AFF2: variants seen among roughly 807,000 people sequenced by gnomAD.
AFF2 encodes the protein AF4/FMR2 family member 2.
A neutral mutation model predicts 76.9 loss-of-function variants in AFF2; 14 were observed. The ratio of observed to expected loss-of-function variants is 0.18; its 90% CI spans 0.12 to 0.28. The LOEUF (loss-of-function observed/expected upper bound fraction) is 0.28, where lower values mean the gene tolerates loss of function less well. Ranked by LOEUF, AFF2 falls within the 10% of genes least tolerant of loss-of-function variation. AFF2 has a pLI of 1.00. For missense variants in AFF2, 868 were observed against 1,001.1 expected (o/e 0.87, Z 1.79); for synonymous variants, 398 against 366.7 (o/e 1.09, Z -0.98).
intron 1 of AFF2, among the ~76,000 whole-genome samples, chrX:148,521,408 ACACT>A (rs782282296): frequency 1.3e-3 from 76 of 57,992 alleles, no homozygotes; most frequent in African/African-American, 4.4e-3. Flanking sequence ...ACACACACAC[ACACT>A]CACTGAGACT....
chrX:148,829,133 G>C (rs928547167), intron 4 of AFF2, among the ~76,000 whole-genome samples: 65 of 112,137 alleles, frequency 5.8e-4, no homozygotes, highest in African/African-American at 2.0e-3. Flanking sequence ...ACATCGCCAG[G>C]GTTTTTATAC....
chrX:148,942,687 A>G (rs1557285698), intron 9 of AFF2, among the ~76,000 whole-genome samples: 2 of 110,252 alleles, frequency 1.8e-5, no homozygotes, highest in African/African-American at 3.3e-5. Flanking sequence ...ATGGTGGCAC[A>G]CACTTGTGGT....
At chrX:148,885,790 G>T (rs2071151209) in intron 7 of AFF2, 99 bp from the exon 8 acceptor site, 1 of 723,821 alleles carries the variant, frequency 1.4e-6, no homozygotes, top group East Asian at 3.2e-5. Context: ...GCAGCTGTCA[G>T]ATTGTAGCTC....
chrX:148,911,914 C>G (rs1475266615), intron 9 of AFF2, among the ~76,000 whole-genome samples: 1 of 111,988 alleles, frequency 8.9e-6, no homozygotes, highest in Non-Finnish European at 1.9e-5. Flanking sequence ...ATAAATCATT[C>G]TACCGTAGAG....
intron 4 of AFF2, among the ~76,000 whole-genome samples, chrX:148,832,789 T>C (rs1452256848): frequency 9.0e-6 from 1 of 111,703 alleles, no homozygotes; most frequent in Non-Finnish European, 1.9e-5. Flanking sequence ...AGGCCCAGAA[T>C]GGACAAGCAA....
Position 148,955,663 on chromosome X carries a change from C to T in AFF2, c.1618C>T (p.Gln540Ter), listed in dbSNP as rs2072024577. Residue 540 changes from glutamine to a stop codon, truncating the protein, a stop_gained, in exon 11 of 21, where the codon CAG becomes TAG. Coordinates refer to ENST00000370460, the MANE Select transcript of AFF2 (RefSeq NM_002025.4). LOFTEE classifies it high-confidence loss of function. The stretch of plus-strand genomic sequence containing the variant: ...TAAATGGCTTAACAAAGTGACATCC[C>T]AGAACAAGTCTTTTATTTGTGGCCA... ...LDKWLNKVTS[Q>*]NKSFICGQNE... is the part of the protein sequence containing the mutation. 8.3e-7 allele frequency: 1 copy of T among 1,209,628 alleles called. No individual in the cohort carries two copies. Among genetic ancestry groups the T allele is most frequent in the African/African-American group, 1.7e-5 (1 of 57,144 alleles).
chrX:148,610,821 G>A (rs782441958), intron 1 of AFF2, among the ~76,000 whole-genome samples: 183 of 111,357 alleles, frequency 1.6e-3, no homozygotes, highest in Middle Eastern at 9.2e-3. Context: ...AGACTGCTGT[G>A]TAATAGTTGA....
chrX:148,573,317 G>C (rs1557242805), intron 1 of AFF2, among the ~76,000 whole-genome samples: 1 of 111,038 alleles, frequency 9.0e-6, no homozygotes, highest in Admixed American at 9.6e-5. Flanking sequence ...TCCACTAGAG[G>C]GGGAGCAAGG....
intron 1 of AFF2, among the ~76,000 whole-genome samples, chrX:148,614,786 CTTTCTTCCTT>C (rs1185594560): frequency 0.014 from 996 of 69,249 alleles, 9 homozygotes; most frequent in Non-Finnish European, 0.018. Context: ...TTCTTTCTTT[CTTTCTTCCTT>C]TCTCTCTCTC....
At chrX:148,567,900 G>A (rs1557241910) in intron 1 of AFF2, among the ~76,000 whole-genome samples, 2 of 111,713 alleles carry the variant, frequency 1.8e-5, no homozygotes, top group African/African-American at 3.3e-5. Flanking sequence ...GTGATCAGGA[G>A]GAGCGAGGTG....
intron 1 of AFF2, among the ~76,000 whole-genome samples, chrX:148,506,649 A>C (rs1477469654): frequency 9.0e-6 from 1 of 111,309 alleles, no homozygotes; most frequent in Non-Finnish European, 1.9e-5. Flanking sequence ...CTGAATGCTC[A>C]AATTTTGAAG....
chrX:148,903,861 G>A lies in AFF2; in HGVS notation c.1360-360G>A, dbSNP rs146595192. ...TCTGCATCTGTTTCCCTAACCTGTC[G>A]TTACAACCCAAGCAGGTCCAAACAC... On this transcript the variant is annotated intron_variant, in intron 8 of 20. Transcript: ENST00000370460. 1.2e-3 allele frequency among the ~76,000 whole-genome samples: 134 copies of A among 111,141 alleles called. 1 individual carries two copies. Among genetic ancestry groups the A allele is most frequent in the African/African-American group, 3.9e-3 (119 of 30,631 alleles).
At chrX:148,774,018 G>A (rs2069636876) in intron 3 of AFF2, among the ~76,000 whole-genome samples, 1 of 111,345 alleles carries the variant, frequency 9.0e-6, no homozygotes, top group Admixed American at 9.5e-5. Context: ...TCCTCTGAAT[G>A]AAGAATTAGG....
chrX:148,644,319 G>A (rs2054121113), intron 1 of AFF2, among the ~76,000 whole-genome samples: 1 of 111,479 alleles, frequency 9.0e-6, no homozygotes, highest in African/African-American at 3.3e-5. Flanking sequence ...ATGACCAAGA[G>A]GGTGGCCTCT....
intron 9 of AFF2, among the ~76,000 whole-genome samples, chrX:148,931,410 G>T (rs1300466694): frequency 3.6e-5 from 4 of 111,108 alleles, no homozygotes; most frequent in African/African-American, 1.3e-4. Context: ...AAATGTGATG[G>T]TTATTATAGT....
intron 3 of AFF2, among the ~76,000 whole-genome samples, chrX:148,702,629 T>C (rs868967891): frequency 4.5e-5 from 5 of 111,753 alleles, no homozygotes; most frequent in Non-Finnish European, 9.4e-5. Context: ...CTAGGCTGAT[T>C]TGTCATTTCT....
intron 3 of AFF2, among the ~76,000 whole-genome samples, chrX:148,739,142 A>G (rs782346220): frequency 1.8e-5 from 2 of 111,696 alleles, no homozygotes; most frequent in African/African-American, 3.3e-5. Flanking sequence ...ATTTGTTCCA[A>G]GGTATAGCTT....
intron 1 of AFF2, among the ~76,000 whole-genome samples, chrX:148,616,914 T>G (rs781970358): frequency 4.5e-5 from 5 of 111,560 alleles, no homozygotes; most frequent in Admixed American, 9.5e-5. Context: ...CATCATTTTT[T>G]ATGGCTGCAT....
chrX:148,763,936 G>A (rs1194268334), intron 3 of AFF2, among the ~76,000 whole-genome samples: 1 of 112,210 alleles, frequency 8.9e-6, no homozygotes, highest in Admixed American at 9.5e-5. Flanking sequence ...AGTAATTAGA[G>A]CAATGACTTT....
Sources: allele counts gnomAD v4.1 joint callset (sites outside exome capture counted in the v4.1 genomes callset), GRCh38; gene constraint gnomAD v4.1.1; transcripts MANE v1.5; gene names NCBI Gene and HGNC (gene_info 2026-07-23, HGNC 2026-07-21).